ENTPD1: variants seen among roughly 807,000 people sequenced by gnomAD.
The protein encoded by ENTPD1 is ATP diphosphohydrolase.
A neutral mutation model predicts 57.0 loss-of-function variants in ENTPD1; 33 were observed. The observed-to-expected ratio is 0.58, with a 90% CI of 0.44 to 0.77. The LOEUF (loss-of-function observed/expected upper bound fraction) is 0.77. Ranked by LOEUF, ENTPD1 falls within the 30% of genes least tolerant of loss-of-function variation. The pLI is 0.00. For missense variants in ENTPD1, 501 were observed against 603.4 expected, an observed-to-expected ratio of 0.83 and a Z score of 1.78; for synonymous variants, 202 against 218.8, an observed-to-expected ratio of 0.92 and a Z score of 0.68.
intron 7 of ENTPD1, among the ~76,000 whole-genome samples, chr10:95,858,195 CAGTCCTGTGAAAGCAGATA>C (rs2098458978): frequency 6.7e-6 from 1 of 150,036 alleles, no homozygotes; most frequent in Non-Finnish European, 1.5e-5. Flanking sequence ...AGGAAAGAGA[CAGTCCTGTGAAAGCAGATA>C]ACAGAGGGTC....
At chr10:95,770,219 C>T (rs775461789) in intron 1 of ENTPD1, among the ~76,000 whole-genome samples, 4 of 147,544 alleles carry the variant, frequency 2.7e-5, no homozygotes, top group Admixed American at 2.0e-4. Flanking sequence ...AGAAACCGTC[C>T]AAGAAGATTG....
intron 9 of ENTPD1, among the ~76,000 whole-genome samples, 157 bp from the exon 10 acceptor site, chr10:95,866,020 C>T (rs1313014898): frequency 6.6e-6 from 1 of 152,204 alleles, no homozygotes; most frequent in African/African-American, 2.4e-5. Flanking sequence ...CCTCCTTGGC[C>T]TCCCAAAGTG....
chr10:95,753,349 G>A (rs998906539), upstream of ENTPD1: 2 of 152,042 alleles, frequency 1.3e-5, no homozygotes, highest in Non-Finnish European at 2.9e-5. Flanking sequence ...TGCTGAGGAG[G>A]GTGCGAACCT....
At chr10:95,706,352 A>T in the ENTPD1 span, among the ~76,000 whole-genome samples, 1 of 147,516 alleles carries the variant, frequency 6.8e-6, no homozygotes, top group African/African-American at 2.4e-5. Flanking sequence ...CAAGTGAAGG[A>T]TGAACAAGGC....
At chr10:95,810,596 C>T (rs962111921) in intron 1 of ENTPD1, among the ~76,000 whole-genome samples, 1 of 152,226 alleles carries the variant, frequency 6.6e-6, no homozygotes, top group Admixed American at 6.5e-5. Flanking sequence ...TAGATGACCC[C>T]ATCCCCACCA....
chr10:95,766,115 C>A (rs946968292), intron 1 of ENTPD1, among the ~76,000 whole-genome samples: 3 of 152,146 alleles, frequency 2.0e-5, no homozygotes, highest in South Asian at 2.1e-4. Context: ...AAAATTCTGC[C>A]ACATTTATCA....
At chr10:95,808,411 A>G (rs1308573416) in intron 1 of ENTPD1, among the ~76,000 whole-genome samples, 2 of 152,216 alleles carry the variant, frequency 1.3e-5, no homozygotes, top group Non-Finnish European at 2.9e-5. Flanking sequence ...AGGTTTTGGT[A>G]TCAGGATGAT....
intron 7 of ENTPD1, among the ~76,000 whole-genome samples, chr10:95,856,092 G>A (rs540181499): frequency 1.3e-5 from 2 of 152,088 alleles, no homozygotes; most frequent in Non-Finnish European, 2.9e-5. Context: ...CGTAGATTTG[G>A]TCTTTTCACA....
At chr10:95,774,788 T>G (rs1477770150) in intron 1 of ENTPD1, among the ~76,000 whole-genome samples, 2 of 152,194 alleles carry the variant, frequency 1.3e-5, no homozygotes, top group Non-Finnish European at 2.9e-5. Flanking sequence ...TTGTTCTTTT[T>G]GCTTAGGATT....
chr10:95,756,640 C>T (rs1021314396), intron 1 of ENTPD1: 1 of 203,512 alleles, frequency 4.9e-6, no homozygotes, highest in South Asian at 9.6e-5. Context: ...CTTGAAGATG[C>T]TGGGCTCTGC....
At chr10:95,736,228 C>A (rs749923654) in intron 1 of ENTPD1, among the ~76,000 whole-genome samples, 46 of 152,186 alleles carry the variant, frequency 3.0e-4, no homozygotes, top group South Asian at 4.1e-4. Flanking sequence ...CTGAAAACTC[C>A]TGGCCTCAAG....
At chr10:95,809,404 G>A (rs2140417828) in intron 1 of ENTPD1, among the ~76,000 whole-genome samples, 1 of 148,796 alleles carries the variant, frequency 6.7e-6, no homozygotes, top group Middle Eastern at 3.5e-3. Flanking sequence ...CCCCAGACGG[G>A]GAGGCCGGGC....
At chr10:95,776,942 G>T (rs1156313123) in intron 1 of ENTPD1, among the ~76,000 whole-genome samples, 1 of 152,158 alleles carries the variant, frequency 6.6e-6, no homozygotes, top group African/African-American at 2.4e-5. Flanking sequence ...TGAAGCTTGT[G>T]CATGGGTCAC....
intron 1 of ENTPD1, among the ~76,000 whole-genome samples, chr10:95,736,852 G>C (rs1420681318): frequency 6.6e-6 from 1 of 152,144 alleles, no homozygotes; most frequent in Non-Finnish European, 1.5e-5. Flanking sequence ...CCCCTCATCA[G>C]TATAATTTAG....
intron 2 of ENTPD1, among the ~76,000 whole-genome samples, chr10:95,824,483 G>A (rs1157309070): frequency 2.0e-5 from 3 of 152,334 alleles, no homozygotes; most frequent in African/African-American, 7.2e-5. Flanking sequence ...CAGTCCCTTT[G>A]TCAAGACAGA....
intron 2 of ENTPD1, among the ~76,000 whole-genome samples, chr10:95,823,829 A>C (rs1485725964): frequency 6.6e-6 from 1 of 152,226 alleles, no homozygotes; most frequent in Non-Finnish European, 1.5e-5. Context: ...GAGATTGAGG[A>C]GAAGACATGT....
In ENTPD1 at chr10:95,808,621, GA is replaced by G. The variant is rs1172362043; in HGVS notation, c.17-14610del. On this transcript the variant is annotated intron_variant, in intron 1 of 9. Transcript: ENST00000371205. ...GGAGGCATTCTTCATCACTGTAGGGGAAAAAACTTTCAAGGAAATGGTGTAC... is the reference window on the plus strand; with the variant it reads ...GGAGGCATTCTTCATCACTGTAGGGGAAAAACTTTCAAGGAAATGGTGTAC... 3.9e-5 allele frequency among the ~76,000 whole-genome samples: 6 copies of G among 151,930 alleles called. No individual in the cohort carries two copies. The East Asian group carries it at 1.2e-3, about 29-fold the overall frequency.
At chr10:95,855,266 C>CT (rs1173200123) in intron 7 of ENTPD1, among the ~76,000 whole-genome samples, 1 of 151,876 alleles carries the variant, frequency 6.6e-6, no homozygotes, top group Non-Finnish European at 1.5e-5. Flanking sequence ...CAACCCCTGC[C>CT]TTTTTTTGTT....
intron 1 of ENTPD1, among the ~76,000 whole-genome samples, chr10:95,728,701 G>A (rs888492316): frequency 2.0e-5 from 3 of 152,096 alleles, no homozygotes; most frequent in African/African-American, 7.2e-5. Context: ...GATGATGTTC[G>A]TCACACAGTG....
Sources: allele counts gnomAD v4.1 joint callset (sites outside exome capture counted in the v4.1 genomes callset), GRCh38; gene constraint gnomAD v4.1.1; transcripts MANE v1.5; gene names NCBI Gene and HGNC (gene_info 2026-07-23, HGNC 2026-07-21).